Variants in TYW1 observed in about 807,000 individuals in gnomAD.
The protein encoded by TYW1 is tRNA-yW synthesizing protein 1 homolog, also known as S-adenosyl-L-methionine-dependent tRNA 4-demethylwyosine synthase TYW1.
Under a neutral mutation model 96.2 loss-of-function variants are expected in TYW1, and 46 were observed. That is an observed-to-expected ratio of 0.48 (90% confidence interval 0.38 to 0.61). The LOEUF is 0.61. Among genes scored for constraint, TYW1 ranks in the 20% least tolerant of loss-of-function variants. The pLI, the probability that TYW1 is intolerant of heterozygous loss-of-function variation, is 0.00. For missense variants in TYW1, 684 were observed against 909.6 expected (o/e 0.75, Z 3.19); for synonymous variants, 274 against 323.0 (o/e 0.85, Z 1.63).
intron 9 of TYW1, among the ~76,000 whole-genome samples, chr7:67,063,793 G>A (rs1355724350): frequency 1.3e-5 from 2 of 151,936 alleles, no homozygotes; most frequent in African/African-American, 4.8e-5. Context: ...TAGTAGAGAC[G>A]GGGTTTCACC....
rs1239313830 is a variant in TYW1 at position 67,029,122 on chromosome 7, C to G, written c.984+4100C>G. On this transcript the variant is annotated intron_variant, in intron 7 of 15. Coordinates refer to ENST00000359626, the MANE Select transcript of TYW1 (RefSeq NM_018264.4). ...CACGTCATTCTCCTGCCTCAGCCTCCCGAGTAGCTGGGACTACAGGCGCCT... is the reference window on the plus strand; with the variant it reads ...CACGTCATTCTCCTGCCTCAGCCTCGCGAGTAGCTGGGACTACAGGCGCCT... Among the ~76,000 whole-genome samples, 7 of 151,894 alleles carry G rather than the reference C, an allele frequency of 4.6e-5. No homozygotes were observed. In the East Asian group the frequency reaches 1.4e-3, roughly 30 times the overall value.
chr7:67,112,825 G>A (rs796376609), intron 12 of TYW1, among the ~76,000 whole-genome samples: 1 of 152,128 alleles, frequency 6.6e-6, no homozygotes, highest in Non-Finnish European at 1.5e-5. Context: ...ACGGTGCGCT[G>A]TGCTGGCTTT....
intron 12 of TYW1, among the ~76,000 whole-genome samples, chr7:67,099,589 G>T (rs957802756): frequency 6.6e-6 from 1 of 152,184 alleles, no homozygotes; most frequent in Non-Finnish European, 1.5e-5. Flanking sequence ...CAGTCTGCTG[G>T]CATGGTATGC....
At position 67,128,399 on chromosome 7, in the gene TYW1, C is replaced by T. The variant is rs35879380; in HGVS notation, c.1698+10781C>T. 5.3e-5 allele frequency among the ~76,000 whole-genome samples: 8 copies of T among 152,246 alleles called. No individual in the cohort carries two copies. In the East Asian group the frequency reaches 7.7e-4, roughly 15 times the overall value. ...TCGATTTTGTTCTTTCTTAGGATTT[C>T]GATCTCTGTTTACATTGTCTATCTG... On this transcript the variant is annotated intron_variant, in intron 13 of 15. Coordinates refer to ENST00000359626, the MANE Select transcript of TYW1 (RefSeq NM_018264.4).
chr7:67,137,518 A>G (rs1584607131), intron 13 of TYW1, among the ~76,000 whole-genome samples: 1 of 152,182 alleles, frequency 6.6e-6, no homozygotes, highest in African/African-American at 2.4e-5. Context: ...AAAAGATTGT[A>G]TTTGACAGCC....
intron 12 of TYW1, among the ~76,000 whole-genome samples, chr7:67,099,467 C>T (rs1352441411): frequency 3.3e-5 from 5 of 152,092 alleles, no homozygotes; most frequent in African/African-American, 4.8e-5. Flanking sequence ...TTTATTTAGA[C>T]CACAGAATGT....
rs1290629590 is a variant in TYW1, at chr7:67,036,156, T to G, written c.984+11134T>G. On this transcript the variant is annotated intron_variant, in intron 7 of 15. Coordinates refer to ENST00000359626, the MANE Select transcript of TYW1 (RefSeq NM_018264.4). ...GCAACTTATAATGAGTCTAAAAGTC[T>G]GAGCACCAGACTGGGCTCCAGGGAA... Among the ~76,000 whole-genome samples the G allele has an allele frequency of 2.0e-5, 3 of 149,708 alleles. 1 individual carries two copies.
At chr7:67,101,107 CAGCCGCAGGCA>C (rs1394621927) in intron 12 of TYW1, among the ~76,000 whole-genome samples, 1 of 152,138 alleles carries the variant, frequency 6.6e-6, no homozygotes, top group Non-Finnish European at 1.5e-5. Context: ...CCTCTTTCTG[CAGCCGCAGGCA>C]TACCCCTGAG....
chr7:67,151,832 G>T (rs1798811060), intron 13 of TYW1, among the ~76,000 whole-genome samples: 1 of 151,902 alleles, frequency 6.6e-6, no homozygotes, highest in Non-Finnish European at 1.5e-5. Flanking sequence ...GTTGAGATAG[G>T]GACTTGCTCT....
chr7:67,062,842 G>T (rs1385867333), intron 9 of TYW1, among the ~76,000 whole-genome samples: 1 of 152,142 alleles, frequency 6.6e-6, no homozygotes, highest in Non-Finnish European at 1.5e-5. Context: ...AGTTTTCAAT[G>T]GTTTTCCTGA....
intron 15 of TYW1, among the ~76,000 whole-genome samples, chr7:67,230,596 A>G (rs1399055476): frequency 1.3e-5 from 2 of 150,424 alleles, no homozygotes; most frequent in Non-Finnish European, 2.9e-5. Flanking sequence ...TCTAAATAGC[A>G]TACTTATATT....
chr7:67,015,200 C>A (rs560665393), intron 5 of TYW1, among the ~76,000 whole-genome samples: 4 of 152,138 alleles, frequency 2.6e-5, no homozygotes, highest in African/African-American at 9.6e-5. Context: ...GACAGGGTTT[C>A]ACCATGTTGG....
At chr7:67,236,879 T>C (rs1461851641) in intron 15 of TYW1, among the ~76,000 whole-genome samples, 1 of 152,070 alleles carries the variant, frequency 6.6e-6, no homozygotes, top group African/African-American at 2.4e-5. Context: ...TTTAGTTCAT[T>C]GGAGTTTTCT....
chr7:67,203,962 A>T (rs1563069807), intron 15 of TYW1, among the ~76,000 whole-genome samples: 1 of 152,258 alleles, frequency 6.6e-6, no homozygotes, highest in East Asian at 1.9e-4. Flanking sequence ...TCTGATGAAA[A>T]ATTCTTTGTC....
intron 7 of TYW1, among the ~76,000 whole-genome samples, chr7:67,028,402 C>G (rs1794531451): frequency 6.6e-6 from 1 of 152,180 alleles, no homozygotes; most frequent in Non-Finnish European, 1.5e-5. Flanking sequence ...GCAAAATTAG[C>G]TGGGTGTGGT....
chr7:67,068,422 A>G (rs1464909455), intron 10 of TYW1, among the ~76,000 whole-genome samples: 4 of 152,204 alleles, frequency 2.6e-5, no homozygotes, highest in Non-Finnish European at 5.9e-5. Context: ...TGTTGTGGTC[A>G]CTAATGACTT....
At chr7:67,029,088 T>C (rs1013708433) in intron 7 of TYW1, among the ~76,000 whole-genome samples, 2 of 151,632 alleles carry the variant, frequency 1.3e-5, no homozygotes, top group African/African-American at 4.8e-5. Context: ...AAGCTCTGCC[T>C]CCTGGGTTCA....
In TYW1 at chr7:67,167,250, A is replaced by G. The variant is rs1799366312; in HGVS notation, c.1699-15876A>G. On this transcript the variant is annotated intron_variant, in intron 13 of 15. Transcript: ENST00000359626. ...TTTGGGAGGCCGAGGCGGTTGGATC[A>G]TGAGGTCAGGAGATCAAGACCATCC... Among the ~76,000 whole-genome samples the G allele has an allele frequency of 3.3e-5, 5 of 152,212 alleles. 1 individual carries two copies. In the Middle Eastern group the frequency reaches 0.017, roughly 518 times the overall value.
chr7:67,037,576 G>T (rs2129253922), intron 7 of TYW1, among the ~76,000 whole-genome samples: 1 of 151,208 alleles, frequency 6.6e-6, no homozygotes, highest in African/African-American at 2.4e-5. Flanking sequence ...TTTTCCAGGA[G>T]CTGGGGACAA....
Sources: allele counts gnomAD v4.1 joint callset (sites outside exome capture counted in the v4.1 genomes callset), GRCh38; gene constraint gnomAD v4.1.1; transcripts MANE v1.5; gene names NCBI Gene and HGNC (gene_info 2026-07-23, HGNC 2026-07-21).